The following CDC42BPB variants were observed in gnomAD, a reference collection of about 807,000 sequenced individuals.
CDC42BPB encodes serine/threonine-protein kinase MRCK beta.
In CDC42BPB, 37 loss-of-function variants were observed where a neutral mutation model predicts 214.9. The ratio of observed to expected loss-of-function variants is 0.17; its 90% CI spans 0.13 to 0.23. The LOEUF is 0.23. Ranked by LOEUF, CDC42BPB falls within the 10% of genes least tolerant of loss-of-function variation. The pLI is 1.00. For synonymous variants in CDC42BPB, 931 were observed against 884.0 expected (o/e 1.05, Z -0.94); for missense variants, 1,694 against 2,227.0 (o/e 0.76, Z 4.82).
chr14:103,023,720 T>C (rs1012446051), intron 1 of CDC42BPB, among the ~76,000 whole-genome samples: 1 of 152,202 alleles, frequency 6.6e-6, no homozygotes, highest in Non-Finnish European at 1.5e-5. Flanking sequence ...AAAGAAAATA[T>C]ATTCATAAAC....
chr14:103,044,361 G>A (rs865774785), intron 1 of CDC42BPB, among the ~76,000 whole-genome samples: 57 of 148,838 alleles, frequency 3.8e-4, no homozygotes, highest in African/African-American at 1.3e-3. Flanking sequence ...CAACACAGCC[G>A]GCACCTTTTT....
rs776463020 is a variant in CDC42BPB at position 102,970,146 on chromosome 14, A to C, written c.1995+5T>G. Reference sequence around the variant, plus strand: ...TTAAGGGCAGAGACCCCCGCCCAGCACTACCTTGAGGGCCTCCAGCTCGCT... The same window carrying C: ...TTAAGGGCAGAGACCCCCGCCCAGCCCTACCTTGAGGGCCTCCAGCTCGCT... On this transcript the variant is annotated splice_donor_5th_base_variant and intron_variant, in intron 14 of 36. Transcript: ENST00000361246. The C allele has an allele frequency of 6.2e-7, 1 of 1,610,298 alleles. No individual in the cohort carries two copies. Among genetic ancestry groups the C allele is most frequent in the Non-Finnish European group, 8.5e-7 (1 of 1,177,944 alleles).
chr14:103,031,849 A>G (rs1566915633), intron 1 of CDC42BPB, among the ~76,000 whole-genome samples: 1 of 152,210 alleles, frequency 6.6e-6, no homozygotes, highest in African/African-American at 2.4e-5. Context: ...ACAAGTATCA[A>G]CTAATTTTTC....
intron 21 of CDC42BPB, among the ~76,000 whole-genome samples, chr14:102,958,887 C>A (rs1220542051): frequency 6.6e-6 from 1 of 151,796 alleles, no homozygotes; most frequent in African/African-American, 2.4e-5. Flanking sequence ...TGCCCAGGCT[C>A]GTCTTGAACT....
At chr14:102,974,277 T>C (rs926927297) in intron 11 of CDC42BPB, 128 bp from the exon 12 acceptor site, 14 of 1,406,534 alleles carry the variant, frequency 1.0e-5, no homozygotes, top group Middle Eastern at 2.4e-4. Context: ...GAGGTTTTTT[T>C]ACTTACACAC....
At position 102,933,836 on chromosome 14, in the gene CDC42BPB, G is replaced by A. The variant is rs867664425; in HGVS notation, c.5012C>T (p.Ser1671Leu). The change falls in exon 37 of 37, where the codon TCG (serine) becomes TTG (leucine). Residue 1671 changes from serine to leucine, a missense_variant. Coordinates refer to ENST00000361246, the MANE Select transcript of CDC42BPB (RefSeq NM_006035.4). ...TGGAGTTGAGTGTTTGGTGGAGTCC[G>A]AATCAGGCTGTGAACAGGAAGAGGG... ...PDQDFDKEPD[S>L]DSTKHSTPSN... 37 of 1,519,588 alleles carry A rather than the reference G, an allele frequency of 2.4e-5. No homozygotes were observed. Among genetic ancestry groups the A allele is most frequent in the Non-Finnish European group, 3.0e-5 (34 of 1,141,120 alleles). 94.1% of individuals were successfully genotyped at this position (1,519,588 alleles called of 1,614,324 possible). A position where few individuals can be genotyped will look rare whatever the true frequency, so the allele number is the denominator to read the frequency against.
Position 102,968,349 on chromosome 14 carries a change from C to T in CDC42BPB, c.2250G>A (p.Glu750=). The change falls in exon 16 of 37, where the codon GAG becomes GAA. Residue 750 remains glutamate, a synonymous_variant. Coordinates refer to ENST00000361246, the MANE Select transcript of CDC42BPB (RefSeq NM_006035.4). ...TTATTGTACCTACTGCCTCCTCCAT[C>T]TCGTTATGCCTGCCAAGGTGAGCGA... is the stretch of plus-strand genomic sequence containing the variant. The part of the protein sequence containing the change: ...LEKSKRERHN[E]MEEAVGTIKD... 2.5e-6 allele frequency: 4 copies of T among 1,614,030 alleles called. No homozygotes were observed. The highest frequency in any genetic ancestry group is 3.4e-6 in the Non-Finnish European group (4 of 1,179,970).
intron 1 of CDC42BPB, among the ~76,000 whole-genome samples, chr14:103,014,397 T>C (rs916792730): frequency 1.3e-5 from 2 of 152,170 alleles, no homozygotes; most frequent in Non-Finnish European, 2.9e-5. Context: ...AGGTTTTTTT[T>C]TGTTCTATCT....
At position 103,001,911 on chromosome 14, in the gene CDC42BPB, G is replaced by A. The variant is rs933813814; in HGVS notation, c.447+2017C>T. ...GGTCTCCTGGAGCATGGTCTCTGAG[G>A]AAAGCTAACGCGGGAGCTCGTGAGG... is the stretch of plus-strand genomic sequence containing the variant. On this transcript the variant is annotated intron_variant, in intron 4 of 36. Transcript: ENST00000361246. This position sits in a 1 kb window ranked among gnomAD's most constrained non-coding sequence, Gnocchi z 5.8. 2.0e-5 allele frequency among the ~76,000 whole-genome samples: 3 copies of A among 152,194 alleles called. No individual in the cohort carries two copies. The highest frequency in any genetic ancestry group is 4.4e-5 in the Non-Finnish European group (3 of 68,038).
At chr14:103,032,847 C>T (rs1445371314) in intron 1 of CDC42BPB, among the ~76,000 whole-genome samples, 1 of 150,298 alleles carries the variant, frequency 6.7e-6, no homozygotes, top group African/African-American at 2.4e-5. Context: ...TGGTCTCGAA[C>T]TCCTGATGAT....
chr14:103,054,907 A>G (rs976541818), intron 1 of CDC42BPB, among the ~76,000 whole-genome samples: 1 of 152,266 alleles, frequency 6.6e-6, no homozygotes, highest in Non-Finnish European at 1.5e-5. Context: ...AGGGAAGCCC[A>G]CCAGTAATGC....
intron 1 of CDC42BPB, among the ~76,000 whole-genome samples, chr14:103,028,605 A>G (rs1163593701): frequency 3.3e-5 from 5 of 152,212 alleles, no homozygotes; most frequent in African/African-American, 7.2e-5. Flanking sequence ...TCTGCAGTGC[A>G]GCTCAGTGCC....
chr14:102,986,037 T>G (rs1273959491), intron 6 of CDC42BPB, among the ~76,000 whole-genome samples: 1 of 152,222 alleles, frequency 6.6e-6, no homozygotes, highest in Non-Finnish European at 1.5e-5. Context: ...AGGACTCTAT[T>G]TCTAGGTCTA....
rs78498697 is a variant in CDC42BPB at position 102,966,945 on chromosome 14, C to T, written c.2471+101G>A. On this transcript the variant is annotated intron_variant, in intron 17 of 36. Transcript: ENST00000361246. Reference sequence around the variant, plus strand: ...GACCTGCACCCCAGCCTGAGAGGCACGGCCTGGCGTGGAGCACAGGATCAG... The same window carrying T: ...GACCTGCACCCCAGCCTGAGAGGCATGGCCTGGCGTGGAGCACAGGATCAG... 7.8e-4 allele frequency: 1,066 copies of T among 1,372,666 alleles called. 14 individuals are homozygous for T. The East Asian group carries it at 0.021, about 27-fold the overall frequency. The allele number at this position is 1,372,666 out of a possible 1,614,324, so 85.0% of individuals were successfully genotyped here. A position where few individuals can be genotyped will look rare whatever the true frequency, so the allele number is the denominator to read the frequency against.
chr14:103,002,116 AGGAACCCACG>A (rs1895015406), intron 4 of CDC42BPB, among the ~76,000 whole-genome samples: 1 of 152,210 alleles, frequency 6.6e-6, no homozygotes. Flanking sequence ...GGGTGGTCAG[AGGAACCCACG>A]TTTCCATATC....
chr14:103,023,669 CTTT>C (rs1190723948), intron 1 of CDC42BPB, among the ~76,000 whole-genome samples: 4 of 151,830 alleles, frequency 2.6e-5, no homozygotes, highest in Non-Finnish European at 4.4e-5. Context: ...TAATTTTTTC[CTTT>C]TTTTAACTGA....
chr14:103,053,217 A>G (rs1476703720), intron 1 of CDC42BPB, among the ~76,000 whole-genome samples: 6 of 151,664 alleles, frequency 4.0e-5, no homozygotes, highest in Non-Finnish European at 8.8e-5. Context: ...GCGTGGTGGC[A>G]GGCACCTATA....
intron 13 of CDC42BPB, among the ~76,000 whole-genome samples, chr14:102,971,298 C>T (rs1893461897): frequency 6.6e-6 from 1 of 152,188 alleles, no homozygotes; most frequent in South Asian, 2.1e-4. Context: ...CTTATGTTAA[C>T]ATGAAATGGG....
intron 24 of CDC42BPB, among the ~76,000 whole-genome samples, chr14:102,951,975 C>T (rs1892510754): frequency 6.6e-6 from 1 of 152,170 alleles, no homozygotes; most frequent in African/African-American, 2.4e-5. Flanking sequence ...TGAGTCACCA[C>T]AGAGGCGCAC....
Sources: allele counts gnomAD v4.1 joint callset (sites outside exome capture counted in the v4.1 genomes callset), GRCh38; gene constraint gnomAD v4.1.1; non-coding constraint Gnocchi (gnomAD v3.1); transcripts MANE v1.5; gene names NCBI Gene and HGNC (gene_info 2026-07-23, HGNC 2026-07-21).